Variants in CD1B observed in about 807,000 individuals in gnomAD.
CD1B encodes CD1b molecule, also known as T-cell surface glycoprotein CD1b.
CD1B carries 43 observed loss-of-function variants against 39.8 expected under a neutral mutation model. The observed-to-expected ratio is 1.08, with a 90% confidence interval of 0.85 to 1.39. The LOEUF is 1.39. Among genes scored for constraint, CD1B ranks in the 40% most tolerant of loss-of-function variants. The pLI, the probability that CD1B is intolerant of heterozygous loss-of-function variation, is 0.00. For synonymous variants in CD1B, 192 were observed against 152.5 expected (o/e 1.26, Z -1.91); for missense variants, 495 against 403.8 (o/e 1.23, Z -1.94).
At chr1:158,297,751 G>C in the CD1B span, among the ~76,000 whole-genome samples, 1 of 152,046 alleles carries the variant, frequency 6.6e-6, no homozygotes, top group South Asian at 2.1e-4. Flanking sequence ...TAGGCAACAT[G>C]GAAAAACCCC....
At chr1:158,319,399 T>A in the CD1B span, among the ~76,000 whole-genome samples, 1 of 152,322 alleles carries the variant, frequency 6.6e-6, no homozygotes, top group South Asian at 2.1e-4. Context: ...CCCTTCTCAC[T>A]TCATTTCATT....
At chr1:158,293,250 A>G in the CD1B span, 8 of 1,613,998 alleles carry the variant, frequency 5.0e-6, no homozygotes, top group East Asian at 1.3e-4. Flanking sequence ...CTTGGTAGTG[A>G]TAGTGCCCTT....
the CD1B span, among the ~76,000 whole-genome samples, chr1:158,307,819 T>TTTA: frequency 6.6e-6 from 1 of 152,170 alleles, no homozygotes; most frequent in South Asian, 2.1e-4. Flanking sequence ...AAATTAGGTA[T>TTTA]TGATGGGATG....
At chr1:158,324,757 C>T (rs1208323313), downstream of CD1B, among the ~76,000 whole-genome samples, 1 of 152,102 alleles carries the variant, frequency 6.6e-6, no homozygotes, top group Non-Finnish European at 1.5e-5. Context: ...GACCAGAGAT[C>T]CTTGCTAATT....
At chr1:158,286,946 G>T in the CD1B span, among the ~76,000 whole-genome samples, 1 of 152,018 alleles carries the variant, frequency 6.6e-6, no homozygotes, top group African/African-American at 2.4e-5. Flanking sequence ...ACCTCCTACT[G>T]CCCTTTACCT....
chr1:158,327,024 T>C (rs1652377776), downstream of CD1B, among the ~76,000 whole-genome samples: 1 of 152,172 alleles, frequency 6.6e-6, no homozygotes, highest in African/African-American at 2.4e-5. Flanking sequence ...CTCAAACTCC[T>C]GACCTCAGGT....
chr1:158,291,101 TC>T, the CD1B span: 121 of 1,572,762 alleles, frequency 7.7e-5, no homozygotes, highest in Non-Finnish European at 8.9e-5. Context: ...TTTTTTTTTT[TC>T]CTTACACTAC....
chr1:158,317,070 T>G, the CD1B span, among the ~76,000 whole-genome samples: 3 of 152,022 alleles, frequency 2.0e-5, no homozygotes, highest in South Asian at 6.2e-4. Flanking sequence ...CAGTATTTTA[T>G]TGAGGATTTT....
chr1:158,311,554 G>A, the CD1B span, among the ~76,000 whole-genome samples: 2 of 151,996 alleles, frequency 1.3e-5, no homozygotes, highest in African/African-American at 2.4e-5. Flanking sequence ...GTGCTTTTGA[G>A]GTCTTATCGA....
the CD1B span, among the ~76,000 whole-genome samples, chr1:158,310,968 G>A: frequency 2.0e-5 from 3 of 152,096 alleles, no homozygotes; most frequent in Non-Finnish European, 4.4e-5. Context: ...CTCATTACCT[G>A]TGTGACGAAA....
the CD1B span, among the ~76,000 whole-genome samples, chr1:158,313,135 G>A: frequency 1.6e-4 from 24 of 152,084 alleles, no homozygotes; most frequent in Non-Finnish European, 2.6e-4. Context: ...TTCTATTAAT[G>A]TGATGCAGTA....
chr1:158,286,747 G>C, the CD1B span, among the ~76,000 whole-genome samples: 4 of 152,230 alleles, frequency 2.6e-5, no homozygotes, highest in Non-Finnish European at 5.9e-5. Flanking sequence ...ACATTTCTAG[G>C]TATCTATTTG....
At chr1:158,306,994 G>C in the CD1B span, among the ~76,000 whole-genome samples, 1 of 152,106 alleles carries the variant, frequency 6.6e-6, no homozygotes. Flanking sequence ...ATCTAAAATT[G>C]ACACCATAAC....
At chr1:158,293,410 A>T in the CD1B span, 4 of 1,608,166 alleles carry the variant, frequency 2.5e-6, no homozygotes, top group Admixed American at 5.0e-5. Context: ...CTCAGTTACC[A>T]CCTCCAACTT....
the CD1B span, among the ~76,000 whole-genome samples, chr1:158,320,535 C>T: frequency 6.6e-6 from 1 of 152,122 alleles, no homozygotes; most frequent in Non-Finnish European, 1.5e-5. Flanking sequence ...GGTGTGCGCA[C>T]CCACTGACCT....
the CD1B span, among the ~76,000 whole-genome samples, chr1:158,319,191 C>T: frequency 6.6e-6 from 1 of 151,006 alleles, no homozygotes; most frequent in Non-Finnish European, 1.5e-5. Context: ...TCTGTATTTC[C>T]TGAATCTGAA....
At chr1:158,288,082 G>GTAT in the CD1B span, among the ~76,000 whole-genome samples, 1 of 152,156 alleles carries the variant, frequency 6.6e-6, no homozygotes, top group Non-Finnish European at 1.5e-5. Flanking sequence ...ACATAATGTG[G>GTAT]TATCTACTAT....
At chr1:158,297,961 A>T in the CD1B span, among the ~76,000 whole-genome samples, 1 of 151,362 alleles carries the variant, frequency 6.6e-6, no homozygotes, top group East Asian at 1.9e-4. Flanking sequence ...AAAAAAAAAA[A>T]AATAAACAAG....
At chr1:158,286,616 G>C in the CD1B span, among the ~76,000 whole-genome samples, 1 of 152,182 alleles carries the variant, frequency 6.6e-6, no homozygotes, top group African/African-American at 2.4e-5. Flanking sequence ...TGTGATCTCT[G>C]TCCCACAGGA....
Sources: allele counts gnomAD v4.1 joint callset (sites outside exome capture counted in the v4.1 genomes callset), GRCh38; gene constraint gnomAD v4.1.1; transcripts MANE v1.5; gene names NCBI Gene and HGNC (gene_info 2026-07-23, HGNC 2026-07-21).